Variants in MROH9 observed in about 807,000 individuals in gnomAD.
MROH9 encodes the protein maestro heat like repeat family member 9, also known as maestro heat-like repeat-containing protein family member 9.
A neutral mutation model predicts 98.2 loss-of-function variants in MROH9; 92 were observed. That is an observed-to-expected ratio of 0.94 (90% CI 0.79 to 1.11). The LOEUF (loss-of-function observed/expected upper bound fraction) is 1.11. MROH9 is among the 50% of genes most tolerant of loss of function. The pLI is 0.00. For synonymous variants in MROH9, 397 were observed against 368.9 expected (o/e 1.08, Z -0.87); for missense variants, 1,057 against 1,014.8 (o/e 1.04, Z -0.57).
Position 170,951,918 on chromosome 1 carries a change from G to A in MROH9, c.72+4345G>A, listed in dbSNP as rs16863859. Among the ~76,000 whole-genome samples, 16 of 151,980 alleles carry A rather than the reference G, an allele frequency of 1.1e-4. No individual in the cohort carries two copies. In the East Asian group the frequency reaches 2.7e-3, roughly 26 times the overall value. On this transcript the variant is annotated intron_variant, in intron 3 of 21. Transcript: ENST00000367759. ...TAATGGGTTACAGCAGCCATGGGAC[G>A]GTAATCAACAAGTGGGTGAAGGATA...
chr1:171,021,155 G>T (rs1012246532), intron 17 of MROH9, among the ~76,000 whole-genome samples: 1 of 152,136 alleles, frequency 6.6e-6, no homozygotes, highest in Non-Finnish European at 1.5e-5. Flanking sequence ...TGGATAAAAA[G>T]AATCAATATC....
intron 8 of MROH9, among the ~76,000 whole-genome samples, chr1:170,975,264 AAGTT>A (rs1650636977): frequency 6.6e-6 from 1 of 152,204 alleles, no homozygotes; most frequent in African/African-American, 2.4e-5. Context: ...TAAATGTTAA[AAGTT>A]AGACAATGAT....
At chr1:170,945,885 A>G (rs182465079) in intron 2 of MROH9, among the ~76,000 whole-genome samples, 2 of 152,188 alleles carry the variant, frequency 1.3e-5, no homozygotes, top group East Asian at 1.9e-4. Context: ...TGTCCAGTAA[A>G]CTTTCTATTT....
At chr1:171,026,461 A>G (rs888451478) in intron 20 of MROH9, among the ~76,000 whole-genome samples, 2 of 151,618 alleles carry the variant, frequency 1.3e-5, no homozygotes, top group African/African-American at 4.8e-5. Context: ...TTTAGTAGAG[A>G]TGGAGTTTCA....
At chr1:171,059,994 G>A (rs1049591437) in intron 20 of MROH9, among the ~76,000 whole-genome samples, 4 of 151,578 alleles carry the variant, frequency 2.6e-5, no homozygotes, top group African/African-American at 9.7e-5. Context: ...ATGATGGAAA[G>A]AGAAAGAAAA....
intron 17 of MROH9, among the ~76,000 whole-genome samples, chr1:171,019,651 A>G (rs985600556): frequency 4.0e-5 from 6 of 151,736 alleles, no homozygotes; most frequent in Admixed American, 1.3e-4. Flanking sequence ...ACTCCATCAA[A>G]AAAAAAAAAA....
intron 8 of MROH9, among the ~76,000 whole-genome samples, chr1:170,979,905 C>A (rs1283694328): frequency 6.6e-6 from 1 of 152,096 alleles, no homozygotes; most frequent in East Asian, 1.9e-4. Flanking sequence ...AATACAAAAT[C>A]AATGTGCAGA....
intron 15 of MROH9, among the ~76,000 whole-genome samples, chr1:171,009,012 T>C (rs1263579883): frequency 6.7e-6 from 1 of 149,464 alleles, no homozygotes; most frequent in East Asian, 1.9e-4. Flanking sequence ...TATAGTTTTA[T>C]TATATATTAT....
chr1:171,063,252 ATTTTTTT>A (rs11385110), intron 21 of MROH9, among the ~76,000 whole-genome samples: 1 of 124,972 alleles, frequency 8.0e-6, no homozygotes, highest in South Asian at 2.6e-4. Context: ...ATTATCCCGG[ATTTTTTT>A]TTTTTTTTTT....
At chr1:171,057,264 G>A (rs1253547639) in intron 20 of MROH9, among the ~76,000 whole-genome samples, 1 of 152,126 alleles carries the variant, frequency 6.6e-6, no homozygotes, top group African/African-American at 2.4e-5. Flanking sequence ...GTTTAGAGAG[G>A]AACAGAAATG....
chr1:170,982,394 C>T (rs948208639), intron 8 of MROH9, among the ~76,000 whole-genome samples: 1 of 152,108 alleles, frequency 6.6e-6, no homozygotes, highest in Non-Finnish European at 1.5e-5. Context: ...TTAGAAAGTA[C>T]CAACTTGACA....
intron 13 of MROH9, 31 bp from the exon 14 acceptor site, chr1:170,996,476 G>A: frequency 6.2e-7 from 1 of 1,608,590 alleles, no homozygotes; most frequent in Non-Finnish European, 8.5e-7. Flanking sequence ...TCACCGGCAT[G>A]TGATGACTTT....
At chr1:170,956,833 A>T (rs189636353) in intron 3 of MROH9, among the ~76,000 whole-genome samples, 1 of 151,826 alleles carries the variant, frequency 6.6e-6, no homozygotes, top group African/African-American at 2.4e-5. Flanking sequence ...ACAGATTTGG[A>T]TGCCCTTTAT....
At chr1:170,980,146 A>G (rs1261880026) in intron 8 of MROH9, among the ~76,000 whole-genome samples, 1 of 152,222 alleles carries the variant, frequency 6.6e-6, no homozygotes, top group East Asian at 1.9e-4. Context: ...CAATATTATG[A>G]AAATGGCCAT....
chr1:170,989,063 G>T (rs1475975087), intron 10 of MROH9, among the ~76,000 whole-genome samples: 1 of 152,116 alleles, frequency 6.6e-6, no homozygotes, highest in Admixed American at 6.6e-5. Flanking sequence ...ATAGAAAGTT[G>T]TACAGATAAA....
intron 15 of MROH9, among the ~76,000 whole-genome samples, chr1:171,010,514 T>C (rs917987463): frequency 6.6e-6 from 1 of 152,198 alleles, no homozygotes; most frequent in African/African-American, 2.4e-5. Context: ...ATCACCACAG[T>C]CTTCCACAAT....
intron 8 of MROH9, among the ~76,000 whole-genome samples, chr1:170,972,094 T>C (rs544646426): frequency 3.3e-5 from 5 of 152,152 alleles, no homozygotes; most frequent in Non-Finnish European, 7.4e-5. Context: ...ATTTATAAAG[T>C]ACTGTGCTTA....
intron 6 of MROH9, among the ~76,000 whole-genome samples, chr1:170,963,462 A>G (rs1650104895): frequency 6.6e-6 from 1 of 152,198 alleles, no homozygotes; most frequent in Non-Finnish European, 1.5e-5. Context: ...CATTTGACCC[A>G]GCAATTCGAT....
At chr1:171,042,662 T>C (rs985932098) in intron 20 of MROH9, among the ~76,000 whole-genome samples, 6 of 152,154 alleles carry the variant, frequency 3.9e-5, no homozygotes, top group Non-Finnish European at 8.8e-5. Context: ...ATTGCCTGTC[T>C]TTTTGATATA....
Sources: allele counts gnomAD v4.1 joint callset (sites outside exome capture counted in the v4.1 genomes callset), GRCh38; gene constraint gnomAD v4.1.1; transcripts MANE v1.5; gene names NCBI Gene and HGNC (gene_info 2026-07-23, HGNC 2026-07-21).